Variants in C1orf198 observed in about 807,000 individuals in gnomAD.
C1orf198 encodes the protein chromosome 1 open reading frame 198.
C1orf198 carries 17 observed loss-of-function variants against 31.4 expected under a neutral mutation model. The observed-to-expected ratio is 0.54, with a 90% CI of 0.37 to 0.81. The LOEUF (loss-of-function observed/expected upper bound fraction) is 0.81. C1orf198 is among the 40% of genes least tolerant of loss of function. The pLI, the probability that C1orf198 is intolerant of heterozygous loss-of-function variation, is 0.00. For missense variants in C1orf198, 401 were observed against 450.3 expected (o/e 0.89, Z 0.99); for synonymous variants, 175 against 193.8 (o/e 0.90, Z 0.81).
intron 2 of C1orf198, among the ~76,000 whole-genome samples, chr1:230,844,681 C>T (rs1435223839): frequency 6.6e-6 from 1 of 152,200 alleles, no homozygotes; most frequent in Non-Finnish European, 1.5e-5. Context: ...TGACGACCCT[C>T]ATTGGGAGGA....
At chr1:230,850,946 C>T (rs1669724488) in intron 2 of C1orf198, among the ~76,000 whole-genome samples, 2 of 152,124 alleles carry the variant, frequency 1.3e-5, no homozygotes, top group Admixed American at 1.3e-4. Flanking sequence ...GCTCTCCGCC[C>T]ACTCGACCTG....
At chr1:230,860,004 G>C (rs1244708533) in intron 1 of C1orf198, among the ~76,000 whole-genome samples, 1 of 152,176 alleles carries the variant, frequency 6.6e-6, no homozygotes, top group Non-Finnish European at 1.5e-5. Flanking sequence ...TGCAACCAGA[G>C]GTGTGTTGGA....
intron 3 of C1orf198, among the ~76,000 whole-genome samples, chr1:230,842,038 A>G (rs1297155417): frequency 1.3e-5 from 2 of 152,214 alleles, no homozygotes; most frequent in Non-Finnish European, 2.9e-5. Context: ...ACAAAAGGGT[A>G]AATACTATAT....
In C1orf198 at chr1:230,855,667, C is replaced by T; in HGVS notation, c.384+1G>A. The T allele has an allele frequency of 6.2e-7, 1 of 1,612,072 alleles. No homozygotes were observed. The highest frequency in any genetic ancestry group is 1.3e-5 in the African/African-American group (1 of 74,960). Reference sequence around the variant, plus strand: ...ATAGATCTAAATTTAATCCAACTTACCTTTGTTTCCCAGGAGAAAGGGGCA... The same window carrying T: ...ATAGATCTAAATTTAATCCAACTTATCTTTGTTTCCCAGGAGAAAGGGGCA... On this transcript the variant is annotated splice_donor_variant, in intron 2 of 3. Coordinates refer to ENST00000366663, the MANE Select transcript of C1orf198 (RefSeq NM_032800.3). LOFTEE classifies it high-confidence loss of function.
At chr1:230,853,322 T>G (rs1419083203) in intron 2 of C1orf198, among the ~76,000 whole-genome samples, 16 of 152,102 alleles carry the variant, frequency 1.1e-4, no homozygotes. Flanking sequence ...AGTCCTGCAA[T>G]TGGAGATTAG....
In C1orf198 at chr1:230,837,176, AAGTCGTC is replaced by A. The variant is rs1200081582; in HGVS notation, c.*2669_*2675del. On this transcript the variant is annotated 3_prime_UTR_variant, in exon 4 of 4. Transcript: ENST00000366663. ...CAAGTATAAAATATGACTAAGTTACAAGTCGTCAGTAAGAATTTATTACTTTTGAAAA... is the reference window on the plus strand; with the variant it reads ...CAAGTATAAAATATGACTAAGTTACAAGTAAGAATTTATTACTTTTGAAAA... The A allele has an allele frequency of 1.3e-5, 2 of 152,662 alleles. No homozygotes were observed. Among genetic ancestry groups the A allele is most frequent in the African/African-American group, 4.8e-5 (2 of 41,454 alleles). The allele number at this position is 152,662 out of a possible 1,614,324, so 9.5% of individuals were successfully genotyped here.
At chr1:230,849,334 G>A (rs1368270992) in intron 2 of C1orf198, among the ~76,000 whole-genome samples, 2 of 152,176 alleles carry the variant, frequency 1.3e-5, no homozygotes, top group African/African-American at 2.4e-5. Context: ...GCCATGGGAC[G>A]CCAACTCATG....
intron 2 of C1orf198, among the ~76,000 whole-genome samples, chr1:230,844,115 G>A (rs746251211): frequency 1.9e-4 from 29 of 152,082 alleles, no homozygotes; most frequent in Admixed American, 8.5e-4. Flanking sequence ...TGCCAAGGCC[G>A]GGTGACAGAG....
In C1orf198 at chr1:230,843,691, C is replaced by G. The variant is rs1183139058; in HGVS notation, c.590G>C (p.Arg197Pro). Reference sequence around the variant, plus strand: ...GGCCTCAGGCCCCTCCCCTCGGGACCGCTCAGCATTGATCTTCCAGAATGA... The same window carrying G: ...GGCCTCAGGCCCCTCCCCTCGGGACGGCTCAGCATTGATCTTCCAGAATGA... ...EASFWKINAE[R>P]SRGEGPEAEF... The change falls in exon 3 of 4, where the codon CGG (arginine) becomes CCG (proline). Residue 197 changes from arginine to proline, a missense_variant. Coordinates refer to ENST00000366663, the MANE Select transcript of C1orf198 (RefSeq NM_032800.3). This position sits in a 1 kb window ranked among gnomAD's most constrained non-coding sequence, Gnocchi z 4.9. 1 of 1,614,036 alleles carries G rather than the reference C, an allele frequency of 6.2e-7. No homozygotes were observed. Among genetic ancestry groups the G allele is most frequent in the Non-Finnish European group, 8.5e-7 (1 of 1,179,978 alleles).
intron 2 of C1orf198, among the ~76,000 whole-genome samples, chr1:230,853,873 T>G (rs1267036043): frequency 1.3e-5 from 2 of 152,212 alleles, no homozygotes; most frequent in Non-Finnish European, 2.9e-5. Context: ...TCAAGTGGAC[T>G]GTACTTGCTC....
chr1:230,857,376 T>C lies in C1orf198; in HGVS notation c.334-1658A>G, dbSNP rs987972423. Among the ~76,000 whole-genome samples, 24 of 152,156 alleles carry C rather than the reference T, an allele frequency of 1.6e-4. No homozygotes were observed. Among genetic ancestry groups the C allele is most frequent in the African/African-American group, 5.3e-4 (22 of 41,438 alleles). On this transcript the variant is annotated intron_variant, in intron 1 of 3. Coordinates refer to ENST00000366663, the MANE Select transcript of C1orf198 (RefSeq NM_032800.3). The surrounding 1 kb of genome is among the most constrained non-coding windows in gnomAD (Gnocchi z 4.2). ...TTTGAGAATATGTGAATAAACAAAC[T>C]CTGCACAAGCCCGGATCCTTTCACA...
At chr1:230,841,772 A>C (rs1006530723) in intron 3 of C1orf198, among the ~76,000 whole-genome samples, 1 of 152,250 alleles carries the variant, frequency 6.6e-6, no homozygotes, top group African/African-American at 2.4e-5. Flanking sequence ...GCAATTCTAC[A>C]TCTGGGTATG....
At chr1:230,854,304 C>T (rs1337606961) in intron 2 of C1orf198, among the ~76,000 whole-genome samples, 1 of 152,164 alleles carries the variant, frequency 6.6e-6, no homozygotes, top group Non-Finnish European at 1.5e-5. Context: ...GTACTTCTCA[C>T]AATTACCCAT....
Position 230,868,441 on chromosome 1 carries a change from G to A in C1orf198, c.72C>T (p.Asp24=), listed in dbSNP as rs1464616822. Residue 24 remains aspartate, a synonymous_variant, in exon 1 of 4, where the codon GAC becomes GAT. Coordinates refer to ENST00000366663, the MANE Select transcript of C1orf198 (RefSeq NM_032800.3). ...AGTAAGTGAAGCGCTTTCGCTCCCGGTCGTCCAGAGGCCGGTTCCCGCTCA... is the reference window on the plus strand; with the variant it reads ...AGTAAGTGAAGCGCTTTCGCTCCCGATCGTCCAGAGGCCGGTTCCCGCTCA... ...AVMSGNRPLD[D]RERKRFTYFS... 2.5e-6 allele frequency: 4 copies of A among 1,578,046 alleles called. No individual in the cohort carries two copies. The highest frequency in any genetic ancestry group is 3.4e-6 in the Non-Finnish European group (4 of 1,162,326).
chr1:230,852,937 C>A (rs547955651), intron 2 of C1orf198, among the ~76,000 whole-genome samples: 5 of 152,268 alleles, frequency 3.3e-5, no homozygotes, highest in Admixed American at 2.6e-4. Flanking sequence ...TGCAATTGCC[C>A]AGCCTAAGCT....
intron 3 of C1orf198, among the ~76,000 whole-genome samples, chr1:230,841,833 G>A (rs1301373624): frequency 2.6e-5 from 4 of 152,184 alleles, no homozygotes; most frequent in Middle Eastern, 3.2e-3. Flanking sequence ...GTACATACAC[G>A]TTCACAGCAG....
chr1:230,859,160 C>T lies in C1orf198; in HGVS notation c.334-3442G>A, dbSNP rs74143508. Among the ~76,000 whole-genome samples, 938 of 152,276 alleles carry T rather than the reference C, an allele frequency of 6.2e-3. 11 individuals are homozygous for T. The East Asian group carries it at 0.064, about 10-fold the overall frequency. On this transcript the variant is annotated intron_variant, in intron 1 of 3. Coordinates refer to ENST00000366663, the MANE Select transcript of C1orf198 (RefSeq NM_032800.3). ...CGCTCTAGCCACAAAAAAGCACTGG[C>T]GGCAAGAACAGGCTCCCTGGGCTGT...
intron 3 of C1orf198, among the ~76,000 whole-genome samples, chr1:230,842,792 C>G (rs1342112581): frequency 6.6e-6 from 1 of 151,934 alleles, no homozygotes; most frequent in Non-Finnish European, 1.5e-5. Flanking sequence ...CAAGGAGTCT[C>G]AAGGGCCAGA....
At chr1:230,849,444 G>T (rs552043045) in intron 2 of C1orf198, among the ~76,000 whole-genome samples, 2 of 152,168 alleles carry the variant, frequency 1.3e-5, no homozygotes, top group Non-Finnish European at 2.9e-5. Flanking sequence ...CAAGGAAGCC[G>T]TCCCTCCTGA....
Sources: gnomAD v4.1 joint callset for allele counts (sites outside exome capture counted in the v4.1 genomes callset) on GRCh38, gnomAD v4.1.1 for gene constraint, Gnocchi (gnomAD v3.1) non-coding constraint, MANE v1.5 for transcripts, NCBI Gene and HGNC (gene_info 2026-07-23, HGNC 2026-07-21) for gene names.